ZFHX3: variants seen among roughly 807,000 people sequenced by gnomAD.
ZFHX3 encodes zinc finger homeobox protein 3.
In ZFHX3, 42 loss-of-function variants were observed where a neutral mutation model predicts 279.1. The ratio of observed to expected loss-of-function variants is 0.15; its 90% confidence interval spans 0.12 to 0.19. ZFHX3 has a LOEUF of 0.19. ZFHX3 is among the 10% of genes least tolerant of loss of function. The pLI is 1.00. For missense variants in ZFHX3, 4,981 were observed against 4,754.0 expected, an observed-to-expected ratio of 1.05 and a Z score of -1.40; for synonymous variants, 2,293 against 1,957.8, an observed-to-expected ratio of 1.17 and a Z score of -4.52.
intron 3 of ZFHX3, chr16:73,455,929 A>C (rs1397108680): frequency 6.6e-6 from 1 of 151,626 alleles, no homozygotes; most frequent in Non-Finnish European, 1.5e-5. Context: ...CCCTTGACAA[A>C]CCACATTGCG....
chr16:73,303,721 A>C (rs1279920285), intron 4 of ZFHX3, among the ~76,000 whole-genome samples: 2 of 151,250 alleles, frequency 1.3e-5, no homozygotes, highest in East Asian at 3.9e-4. Flanking sequence ...TCAATTATTT[A>C]GATGGCCATC....
At chr16:73,378,253 T>A (rs575767122) in intron 3 of ZFHX3, among the ~76,000 whole-genome samples, 1 of 152,230 alleles carries the variant, frequency 6.6e-6, no homozygotes, top group South Asian at 2.1e-4. Context: ...ATCATTACTT[T>A]AAAATCTTTT....
chr16:73,728,623 G>A (rs2053542170), intron 1 of ZFHX3, among the ~76,000 whole-genome samples: 1 of 152,020 alleles, frequency 6.6e-6, no homozygotes, highest in African/African-American at 2.4e-5. Flanking sequence ...CAACATCTTG[G>A]CTTTGCATTC....
chr16:72,886,754 C>A (rs536978827), intron 4 of ZFHX3, among the ~76,000 whole-genome samples: 1 of 152,284 alleles, frequency 6.6e-6, no homozygotes, highest in South Asian at 2.1e-4. Flanking sequence ...CTCAACAGTG[C>A]ACTAATGCAG....
chr16:73,543,885 G>GGAGAGGGAGAGAGAGAGAGAGA (rs1203799448), intron 2 of ZFHX3: 1 of 136,454 alleles, frequency 7.3e-6, no homozygotes, highest in African/African-American at 3.1e-5. Context: ...AGCGAGAGAG[G>GGAGAGGGAGAGAGAGAGAGAGA]GAGAGAGAGA....
At chr16:73,529,993 C>A (rs182777401) in intron 2 of ZFHX3, among the ~76,000 whole-genome samples, 1 of 152,040 alleles carries the variant, frequency 6.6e-6, no homozygotes, top group South Asian at 2.1e-4. Context: ...TGAAATGTAT[C>A]GCTTGTGTCC....
At chr16:73,129,631 C>T (rs986239895) in intron 7 of ZFHX3, among the ~76,000 whole-genome samples, 3 of 150,408 alleles carry the variant, frequency 2.0e-5, no homozygotes, top group African/African-American at 4.9e-5. Flanking sequence ...CAGATGTGTG[C>T]GTGTGTGCGT....
chr16:73,153,092 G>T (rs765210635), intron 5 of ZFHX3, among the ~76,000 whole-genome samples: 1 of 152,052 alleles, frequency 6.6e-6, no homozygotes, highest in Non-Finnish European at 1.5e-5. Flanking sequence ...CTCTCTGGTT[G>T]TTAGGGAGAG....
chr16:72,865,933 C>T (rs1038542093), intron 4 of ZFHX3, among the ~76,000 whole-genome samples: 4 of 152,158 alleles, frequency 2.6e-5, no homozygotes, highest in African/African-American at 7.2e-5. Flanking sequence ...CACATGCCAC[C>T]GGGACAGCCC....
At chr16:73,113,360 G>A (rs1339345262) in intron 7 of ZFHX3, among the ~76,000 whole-genome samples, 1 of 152,160 alleles carries the variant, frequency 6.6e-6, no homozygotes, top group East Asian at 1.9e-4. Flanking sequence ...AGTTGTCATT[G>A]AGGATTAGCA....
At chr16:72,995,155 C>A (rs770917235) in intron 1 of ZFHX3, among the ~76,000 whole-genome samples, 2 of 152,200 alleles carry the variant, frequency 1.3e-5, no homozygotes, top group Non-Finnish European at 2.9e-5. Flanking sequence ...GAAATTAACA[C>A]ATTTCAGAAA....
At chr16:73,364,175 C>CAAAA (rs11301710) in intron 3 of ZFHX3, among the ~76,000 whole-genome samples, 1 of 142,336 alleles carries the variant, frequency 7.0e-6, no homozygotes, top group African/African-American at 2.6e-5. Flanking sequence ...GACCCTGTTT[C>CAAAA]AAAAAAAAAA....
intron 3 of ZFHX3, among the ~76,000 whole-genome samples, chr16:73,343,547 A>G (rs1390156571): frequency 2.0e-5 from 3 of 152,324 alleles, no homozygotes; most frequent in East Asian, 1.9e-4. Flanking sequence ...CAACATGGCA[A>G]GACCCCATCT....
chr16:73,278,478 A>C (rs959696567), intron 4 of ZFHX3, among the ~76,000 whole-genome samples: 1 of 152,226 alleles, frequency 6.6e-6, no homozygotes, highest in Non-Finnish European at 1.5e-5. Context: ...GAGTGTCAAC[A>C]GCTCTAAAGA....
intron 3 of ZFHX3, among the ~76,000 whole-genome samples, chr16:72,942,819 G>T (rs540357587): frequency 1.8e-4 from 27 of 152,274 alleles, no homozygotes; most frequent in African/African-American, 6.5e-4. Flanking sequence ...TGCAGACTCT[G>T]TTTCTTCTGG....
chr16:72,974,027 TA>T (rs1271115743), intron 1 of ZFHX3, among the ~76,000 whole-genome samples: 3 of 152,154 alleles, frequency 2.0e-5, no homozygotes, highest in Non-Finnish European at 4.4e-5. Context: ...TCCTATTAGG[TA>T]GCTCTTAGTC....
chr16:72,878,865 T>C (rs1360661167), intron 4 of ZFHX3, among the ~76,000 whole-genome samples: 1 of 152,116 alleles, frequency 6.6e-6, no homozygotes, highest in African/African-American at 2.4e-5. Flanking sequence ...TGTCTGCACA[T>C]CCAATACAGC....
intron 5 of ZFHX3, among the ~76,000 whole-genome samples, chr16:73,165,209 C>A (rs1340282955): frequency 1.3e-5 from 2 of 152,132 alleles, no homozygotes. Flanking sequence ...ATGCAAGGTC[C>A]AAGCTGGAAT....
At position 72,793,134 on chromosome 16, in the gene ZFHX3, G is replaced by A; in HGVS notation, c.9427+121C>T. 2 of 1,482,866 alleles carry A rather than the reference G, an allele frequency of 1.3e-6. No individual in the cohort carries two copies. Among genetic ancestry groups the A allele is most frequent in the East Asian group, 2.3e-5 (1 of 43,862 alleles). The allele number at this position is 1,482,866 out of a possible 1,614,324, so 91.9% of individuals were successfully genotyped here. A position where few individuals can be genotyped will look rare whatever the true frequency, so the allele number is the denominator to read the frequency against. ...GAACTGAAGTCTTGTTGCTTTTAAA[G>A]AACTAGAAAGGTAAGCTTCCCATCT... is the stretch of plus-strand genomic sequence containing the variant. On this transcript the variant is annotated intron_variant, in intron 9 of 9. Transcript: ENST00000268489. This position sits in a 1 kb window ranked among gnomAD's most constrained non-coding sequence, Gnocchi z 4.3.
Sources: allele counts gnomAD v4.1 joint callset (sites outside exome capture counted in the v4.1 genomes callset), GRCh38; gene constraint gnomAD v4.1.1; non-coding constraint Gnocchi (gnomAD v3.1); transcripts MANE v1.5; gene names NCBI Gene and HGNC (gene_info 2026-07-23, HGNC 2026-07-21).